Variants in WWOX observed in about 807,000 individuals in gnomAD.
WWOX encodes the protein WW domain-containing oxidoreductase.
In WWOX, 69 loss-of-function variants were observed where a neutral mutation model predicts 46.2. That is an observed-to-expected ratio of 1.49 (90% CI 1.23 to 1.82). WWOX has a LOEUF of 1.82. Ranked by LOEUF, WWOX falls within the 40% of genes most tolerant of loss-of-function variation. The pLI, the probability that WWOX is intolerant of heterozygous loss-of-function variation, is 0.00. For synonymous variants in WWOX, 359 were observed against 202.6 expected (o/e 1.77, Z -6.56); for missense variants, 919 against 542.6 (o/e 1.69, Z -6.89).
chr16:78,746,315 T>C (rs2142434215), intron 8 of WWOX, among the ~76,000 whole-genome samples: 1 of 152,236 alleles, frequency 6.6e-6, no homozygotes. Flanking sequence ...CTTGGCAATA[T>C]AGCAAGACAT....
At chr16:78,270,080 C>A (rs1394752213) in intron 5 of WWOX, 2 of 151,948 alleles carry the variant, frequency 1.3e-5, no homozygotes, top group African/African-American at 4.8e-5. Context: ...TGATGTTAAG[C>A]CTCAAAATCA....
chr16:78,516,299 T>G (rs151174229), intron 8 of WWOX, among the ~76,000 whole-genome samples: 63 of 152,278 alleles, frequency 4.1e-4, no homozygotes, highest in African/African-American at 1.3e-3. Context: ...TGTCCTGTTA[T>G]GCCTGCTGCT....
intron 8 of WWOX, among the ~76,000 whole-genome samples, chr16:78,436,183 A>G (rs538362314): frequency 5.9e-5 from 9 of 152,284 alleles, no homozygotes; most frequent in African/African-American, 2.2e-4. Flanking sequence ...GGTCCCGATG[A>G]TGATTCTCCA....
intron 8 of WWOX, among the ~76,000 whole-genome samples, chr16:78,731,849 T>C (rs1411290078): frequency 7.5e-6 from 1 of 133,458 alleles, no homozygotes. Context: ...CTTTCTCTTT[T>C]TTTTTTTTTT....
At chr16:78,397,536 C>A (rs1398242309) in intron 6 of WWOX, among the ~76,000 whole-genome samples, 1 of 152,228 alleles carries the variant, frequency 6.6e-6, no homozygotes, top group East Asian at 1.9e-4. Context: ...TCCAAAATCT[C>A]TTCTTCTGTT....
intron 8 of WWOX, among the ~76,000 whole-genome samples, chr16:78,827,209 T>C (rs1329636173): frequency 6.6e-6 from 1 of 152,194 alleles, no homozygotes; most frequent in Non-Finnish European, 1.5e-5. Context: ...CATGAAAACC[T>C]GAATGGCTGA....
At chr16:79,207,565 C>T (rs541042788) in intron 8 of WWOX, among the ~76,000 whole-genome samples, 1 of 152,344 alleles carries the variant, frequency 6.6e-6, no homozygotes, top group Non-Finnish European at 1.5e-5. Flanking sequence ...AGAACATCTA[C>T]TCTCTCACAA....
At chr16:78,469,291 C>G (rs1343065490) in intron 8 of WWOX, among the ~76,000 whole-genome samples, 1 of 152,184 alleles carries the variant, frequency 6.6e-6, no homozygotes, top group Non-Finnish European at 1.5e-5. Flanking sequence ...GAAGACATTT[C>G]CCTTATGCAA....
At chr16:78,929,815 A>C (rs1451104138) in intron 8 of WWOX, among the ~76,000 whole-genome samples, 1 of 152,230 alleles carries the variant, frequency 6.6e-6, no homozygotes, top group Non-Finnish European at 1.5e-5. Context: ...AATCCAAGAA[A>C]GACTGGGTTT....
chr16:79,176,753 A>G (rs970021745), intron 8 of WWOX, among the ~76,000 whole-genome samples: 2 of 152,142 alleles, frequency 1.3e-5, no homozygotes, highest in African/African-American at 4.8e-5. Flanking sequence ...GTTCAGCTGT[A>G]TTTTCTCATA....
intron 8 of WWOX, among the ~76,000 whole-genome samples, chr16:78,682,874 G>C (rs937937097): frequency 2.6e-5 from 4 of 152,162 alleles, no homozygotes; most frequent in African/African-American, 9.7e-5. Flanking sequence ...AGCAGCTTTA[G>C]ATAATGCATT....
chr16:78,808,003 C>G (rs2051087302), intron 8 of WWOX, among the ~76,000 whole-genome samples: 1 of 152,164 alleles, frequency 6.6e-6, no homozygotes, highest in Non-Finnish European at 1.5e-5. Flanking sequence ...CATGTTCACT[C>G]CAGAATTAAA....
chr16:78,261,510 T>C (rs1267178154), intron 5 of WWOX, among the ~76,000 whole-genome samples: 5 of 150,802 alleles, frequency 3.3e-5, no homozygotes, highest in South Asian at 2.1e-4. Flanking sequence ...ATTTCTCTTC[T>C]GCAGATTTTT....
intron 5 of WWOX, among the ~76,000 whole-genome samples, chr16:78,331,574 A>G (rs2080759986): frequency 1.3e-5 from 2 of 152,216 alleles, no homozygotes; most frequent in Admixed American, 1.3e-4. Context: ...ACCAGGCAGC[A>G]CACAGACGTG....
In WWOX at chr16:78,468,833, T is replaced by G. The variant is rs182683972; in HGVS notation, c.1056+36081T>G. On this transcript the variant is annotated intron_variant, in intron 8 of 8. Transcript: ENST00000566780. ...AACACTGTGCAGTGTAATTCCATATTATATTACACCACATCTTCTGTGGGT... is the reference window on the plus strand; with the variant it reads ...AACACTGTGCAGTGTAATTCCATATGATATTACACCACATCTTCTGTGGGT... 8.5e-3 allele frequency among the ~76,000 whole-genome samples: 1,298 copies of G among 152,286 alleles called. 22 individuals are homozygous for G. The highest frequency in any genetic ancestry group is 0.03 in the African/African-American group (1,254 of 41,566).
At chr16:78,754,161 G>T (rs866549395) in intron 8 of WWOX, among the ~76,000 whole-genome samples, 19 of 152,004 alleles carry the variant, frequency 1.2e-4, no homozygotes, top group African/African-American at 3.9e-4. Flanking sequence ...TCTTTCTCTA[G>T]AGAACTTGGT....
intron 8 of WWOX, among the ~76,000 whole-genome samples, chr16:78,631,653 C>T (rs1311951893): frequency 6.6e-6 from 1 of 151,394 alleles, no homozygotes; most frequent in Non-Finnish European, 1.5e-5. Context: ...ATATTCTTGC[C>T]TCAGCCCTCC....
At chr16:78,725,718 A>G (rs956334264) in intron 8 of WWOX, among the ~76,000 whole-genome samples, 3 of 152,084 alleles carry the variant, frequency 2.0e-5, no homozygotes, top group African/African-American at 4.8e-5. Context: ...TCTGAAAGTG[A>G]GAAGTCCAAA....
intron 5 of WWOX, among the ~76,000 whole-genome samples, chr16:78,240,268 CAGG>C (rs1026179140): frequency 6.6e-6 from 1 of 151,852 alleles, no homozygotes; most frequent in African/African-American, 2.4e-5. Flanking sequence ...CACTTGAGCC[CAGG>C]AGTTCATTGC....
Sources: allele counts gnomAD v4.1 joint callset (sites outside exome capture counted in the v4.1 genomes callset), GRCh38; gene constraint gnomAD v4.1.1; transcripts MANE v1.5; gene names NCBI Gene and HGNC (gene_info 2026-07-23, HGNC 2026-07-21).